Variants in SCN7A observed in about 807,000 individuals in gnomAD.
The protein encoded by SCN7A is sodium voltage-gated channel alpha subunit 7, also known as sodium channel protein type 7 subunit alpha.
A neutral mutation model predicts 155.2 loss-of-function variants in SCN7A; 138 were observed. That is an observed-to-expected ratio of 0.89 (90% CI 0.77 to 1.02). SCN7A has a LOEUF of 1.02. SCN7A is among the 50% of genes least tolerant of loss of function. The pLI is 0.00. For missense variants in SCN7A, 2,058 were observed against 1,986.6 expected (o/e 1.04, Z -0.68); for synonymous variants, 693 against 649.0 (o/e 1.07, Z -1.03).
rs186866717 is a variant in SCN7A, at chr2:166,484,942, G to A, written c.-15+1914C>T. Among the ~76,000 whole-genome samples the A allele has an allele frequency of 5.4e-3, 827 of 151,940 alleles. 2 individuals are homozygous for A. The highest frequency in any genetic ancestry group is 9.1e-3 in the Non-Finnish European group (618 of 67,874). On this transcript the variant is annotated intron_variant, in intron 2 of 25. Coordinates refer to ENST00000643258, the MANE Select transcript of SCN7A (RefSeq NM_002976.4). ...AGAGGATGAAAAGTAATAAATATATGGGAATATATCTTTTAAAGCATAAGT... is the reference window on the plus strand; with the variant it reads ...AGAGGATGAAAAGTAATAAATATATAGGAATATATCTTTTAAAGCATAAGT...
rs1254136187 is a variant in SCN7A, at chr2:166,421,215, A to C, written c.3110T>G (p.Val1037Gly). ...ISMKFLRPLRVLSQFERMKVV... is the reference protein window; with the variant it reads ...ISMKFLRPLRGLSQFERMKVV... ...CTTCATTCTTTCAAATTGAGATAGA[A>C]CTCTGAGGGGCCGAAGGAATTTCAT... is the stretch of plus-strand genomic sequence containing the variant. The change falls in exon 20 of 26, where the codon GTT becomes GGT. Residue 1037 changes from valine to glycine, a missense_variant. By Grantham distance (109) the Val-to-Gly change is moderately radical (BLOSUM62 -3). Coordinates refer to ENST00000643258, the MANE Select transcript of SCN7A (RefSeq NM_002976.4). 2.6e-6 allele frequency: 4 copies of C among 1,535,614 alleles called. No homozygotes were observed. Among genetic ancestry groups the C allele is most frequent in the Non-Finnish European group, 3.5e-6 (4 of 1,141,684 alleles).
intron 21 of SCN7A, 30 bp downstream of exon 21, chr2:166,416,677 T>C (rs770941959): frequency 6.5e-7 from 1 of 1,543,510 alleles, no homozygotes; most frequent in Non-Finnish European, 8.7e-7. Context: ...GAATATATAA[T>C]TAATAAGGAA....
intron 1 of SCN7A, among the ~76,000 whole-genome samples, chr2:166,490,549 T>C (rs906305045): frequency 2.6e-5 from 4 of 152,112 alleles, no homozygotes; most frequent in Admixed American, 6.6e-5. Flanking sequence ...AACATATGAA[T>C]AGATAAAGAA....
chr2:166,433,863 T>C (rs1282503509), intron 15 of SCN7A, among the ~76,000 whole-genome samples: 1 of 152,182 alleles, frequency 6.6e-6, no homozygotes, highest in Non-Finnish European at 1.5e-5. Flanking sequence ...AGATGAGTGA[T>C]GGAAGACTCA....
intron 9 of SCN7A, among the ~76,000 whole-genome samples, chr2:166,464,450 T>A (rs1702482886): frequency 6.6e-6 from 1 of 152,072 alleles, no homozygotes; most frequent in Admixed American, 6.5e-5. Flanking sequence ...CCTTTATGAA[T>A]TGTAATTTTC....
chr2:166,481,077 T>C (rs1306223251), intron 2 of SCN7A, among the ~76,000 whole-genome samples: 1 of 152,224 alleles, frequency 6.6e-6, no homozygotes. Flanking sequence ...AAGTTATCTA[T>C]ATTCGATATG....
intron 1 of SCN7A, among the ~76,000 whole-genome samples, chr2:166,490,612 C>T (rs987355051): frequency 6.6e-6 from 1 of 152,078 alleles, no homozygotes; most frequent in South Asian, 2.1e-4. Flanking sequence ...AAAAAGGAGG[C>T]TGTCATTTGC....
intron 11 of SCN7A, among the ~76,000 whole-genome samples, chr2:166,452,207 GTTTATAC>G (rs1023922190): frequency 6.6e-5 from 10 of 151,650 alleles, no homozygotes; most frequent in Non-Finnish European, 1.3e-4. Context: ...ATTCTGGGTT[GTTTATAC>G]TTTAGACTTT....
At chr2:166,456,622 C>T (rs1244526080) in intron 11 of SCN7A, among the ~76,000 whole-genome samples, 1 of 151,956 alleles carries the variant, frequency 6.6e-6, no homozygotes, top group Non-Finnish European at 1.5e-5. Flanking sequence ...ATGTTACTTG[C>T]TTTACCCACT....
In SCN7A at chr2:166,421,290, C is replaced by T; in HGVS notation, c.3035G>A (p.Cys1012Tyr). ...CCGAGTTTTGCCTATTAAGCTAAGA[C>T]AAAACACCTATATATTTTTTTTAAA... ...RLDFVVVIVF[C>Y]LSLIGKTREE... is the part of the protein sequence containing the mutation. The change falls in exon 20 of 26, where the codon TGT becomes TAT. Residue 1012 changes from cysteine to tyrosine, a missense_variant. Cys to Tyr is a radical substitution (Grantham distance 194). Transcript: ENST00000643258. The T allele has an allele frequency of 6.7e-7, 1 of 1,493,660 alleles. No homozygotes were observed. The highest frequency in any genetic ancestry group is 8.9e-7 in the Non-Finnish European group (1 of 1,120,882). 92.5% of individuals were successfully genotyped at this position (1,493,660 alleles called of 1,614,324 possible).
intron 3 of SCN7A, among the ~76,000 whole-genome samples, chr2:166,474,812 T>G (rs1702743410): frequency 6.6e-6 from 1 of 151,790 alleles, no homozygotes; most frequent in Admixed American, 6.6e-5. Flanking sequence ...CATTAATTCT[T>G]AACAATTGTC....
chr2:166,409,934 T>C lies in SCN7A; in HGVS notation c.3713A>G (p.Asn1238Ser), dbSNP rs1460049201. The change falls in exon 25 of 26, where the codon AAC becomes AGC. Residue 1238 changes from asparagine to serine, a missense_variant and splice_region_variant. Physicochemically the swap from Asn to Ser is conservative, Grantham distance 46. Transcript: ENST00000643258. Reference sequence around the variant, plus strand: ...ATCAAAGATGAATCCTTGGAGCTTGTTCTGTGGGTAAAATCAACAGGTGTA... The same window carrying C: ...ATCAAAGATGAATCCTTGGAGCTTGCTCTGTGGGTAAAATCAACAGGTGTA... The part of the protein sequence containing the change: ...DSQRPVPRPL[N>S]KLQGFIFDVV... 1 of 1,557,326 alleles carries C rather than the reference T, an allele frequency of 6.4e-7. No homozygotes were observed.
chr2:166,469,962 T>C (rs17768583), intron 7 of SCN7A, among the ~76,000 whole-genome samples: 7,849 of 152,048 alleles, frequency 0.052, 301 homozygotes, highest in South Asian at 0.15. Context: ...AGCTATTTCA[T>C]AACACTTCTG....
At position 166,406,469 on chromosome 2, in the gene SCN7A, A is replaced by G. The variant is rs1701077405; in HGVS notation, c.4160T>C (p.Ile1387Thr). Residue 1387 changes from isoleucine to threonine, a missense_variant, in exon 26 of 26, where the codon ATC (isoleucine) becomes ACC (threonine). Transcript: ENST00000643258. ...LPALLNIILL[I>T]FLVMFIYAVF... Reference sequence around the variant, plus strand: ...GGCATAGATGAACATGACCAGGAAGATGAGAAGAATGATGTTCAATAATGC... The same window carrying G: ...GGCATAGATGAACATGACCAGGAAGGTGAGAAGAATGATGTTCAATAATGC... 1 of 1,612,786 alleles carries G rather than the reference A, an allele frequency of 6.2e-7. No homozygotes were observed. The highest frequency in any genetic ancestry group is 1.3e-5 in the African/African-American group (1 of 74,830).
intron 9 of SCN7A, among the ~76,000 whole-genome samples, chr2:166,463,823 C>G (rs374262330): frequency 6.6e-6 from 1 of 151,952 alleles, no homozygotes; most frequent in Non-Finnish European, 1.5e-5. Context: ...TGGGAGGCCA[C>G]GGTGGGTGGA....
chr2:166,463,152 T>C (rs949443244), intron 9 of SCN7A, among the ~76,000 whole-genome samples: 42 of 152,134 alleles, frequency 2.8e-4, no homozygotes, highest in Middle Eastern at 3.2e-3. Context: ...GAGAAAACAT[T>C]TATCGCATCA....
At chr2:166,431,997 T>C (rs970290378) in intron 16 of SCN7A, among the ~76,000 whole-genome samples, 1 of 152,110 alleles carries the variant, frequency 6.6e-6, no homozygotes, top group Non-Finnish European at 1.5e-5. Context: ...TGGTTATTAA[T>C]TTATAGAATG....
In SCN7A at chr2:166,473,782, A is replaced by G; in HGVS notation, c.443+17T>C. ...AATTATATATGATATTATGTATAAA[A>G]TAATTATATAACATACTCTAATACT... On this transcript the variant is annotated intron_variant, in intron 5 of 25. Coordinates refer to ENST00000643258, the MANE Select transcript of SCN7A (RefSeq NM_002976.4). The G allele has an allele frequency of 1.1e-6, 1 of 936,708 alleles. No homozygotes were observed. The highest frequency in any genetic ancestry group is 1.5e-6 in the Non-Finnish European group (1 of 670,116). The allele number at this position is 936,708 out of a possible 1,614,324, so 58.0% of individuals were successfully genotyped here.
intron 19 of SCN7A, among the ~76,000 whole-genome samples, chr2:166,422,577 A>T (rs1212724385): frequency 6.6e-6 from 1 of 152,280 alleles, no homozygotes; most frequent in East Asian, 1.9e-4. Flanking sequence ...GGCATATTTG[A>T]AGTGCTCCAT....
Sources: allele counts gnomAD v4.1 joint callset (sites outside exome capture counted in the v4.1 genomes callset), GRCh38; gene constraint gnomAD v4.1.1; transcripts MANE v1.5; gene names NCBI Gene and HGNC (gene_info 2026-07-23, HGNC 2026-07-21).